Variants in NTN1 observed in about 807,000 individuals in gnomAD.
NTN1 encodes the protein netrin 1, also known as netrin-1.
Under a neutral mutation model 54.2 loss-of-function variants are expected in NTN1, and 11 were observed. The ratio of observed to expected loss-of-function variants is 0.20; its 90% CI spans 0.13 to 0.34. The LOEUF (loss-of-function observed/expected upper bound fraction) is 0.34. NTN1 is among the 10% of genes least tolerant of loss of function. The pLI is 1.00. For synonymous variants in NTN1, 371 were observed against 382.0 expected (o/e 0.97, Z 0.33); for missense variants, 740 against 893.1 (o/e 0.83, Z 2.18).
chr17:9,138,108 G>A (rs749484898), intron 2 of NTN1, among the ~76,000 whole-genome samples: 1 of 152,200 alleles, frequency 6.6e-6, no homozygotes, highest in African/African-American at 2.4e-5. Context: ...AAGAATCCCC[G>A]GCGTGTCTTT....
At chr17:9,200,592 C>G (rs1904754458) in intron 5 of NTN1, among the ~76,000 whole-genome samples, 1 of 152,220 alleles carries the variant, frequency 6.6e-6, no homozygotes, top group Non-Finnish European at 1.5e-5. Flanking sequence ...TCTTGTTCAG[C>G]CAGGCTTGAT....
At chr17:9,024,675 G>A (rs1028623120) in intron 2 of NTN1, among the ~76,000 whole-genome samples, 3 of 152,252 alleles carry the variant, frequency 2.0e-5, no homozygotes, top group Non-Finnish European at 4.4e-5. Flanking sequence ...GGGCCGGATC[G>A]CCGCAGAGGC....
intron 6 of NTN1, among the ~76,000 whole-genome samples, chr17:9,233,088 T>C (rs920362174): frequency 1.3e-5 from 2 of 151,922 alleles, no homozygotes; most frequent in Non-Finnish European, 2.9e-5. Flanking sequence ...GGGGAGAGGC[T>C]GACCACCTCA....
chr17:9,222,662 A>C (rs1905399469), intron 6 of NTN1, among the ~76,000 whole-genome samples: 1 of 152,106 alleles, frequency 6.6e-6, no homozygotes, highest in South Asian at 2.1e-4. Flanking sequence ...AGGCCTCACT[A>C]TCCAGAATCT....
At chr17:9,198,866 G>C (rs1227177332) in intron 5 of NTN1, among the ~76,000 whole-genome samples, 1 of 152,122 alleles carries the variant, frequency 6.6e-6, no homozygotes, top group African/African-American at 2.4e-5. Flanking sequence ...GACAGACAAA[G>C]GACTAACCGC....
intron 2 of NTN1, among the ~76,000 whole-genome samples, chr17:9,086,372 G>T (rs951863924): frequency 2.6e-5 from 4 of 152,236 alleles, no homozygotes; most frequent in African/African-American, 9.6e-5. Flanking sequence ...CAAACATTGA[G>T]ATCATTCGGT....
At chr17:9,209,332 G>T (rs1364698737) in intron 5 of NTN1, among the ~76,000 whole-genome samples, 2 of 152,208 alleles carry the variant, frequency 1.3e-5, no homozygotes, top group Non-Finnish European at 2.9e-5. Context: ...AGCTGCAAGG[G>T]AATCTTTGAA....
At chr17:9,157,018 T>TATCC (rs2092344836) in intron 2 of NTN1, among the ~76,000 whole-genome samples, 2 of 140,942 alleles carry the variant, frequency 1.4e-5, no homozygotes, top group Admixed American at 7.1e-5. Context: ...TCTCTCCATC[T>TATCC]ATCCATCCGT....
At chr17:9,106,443 A>G (rs1366260063) in intron 2 of NTN1, among the ~76,000 whole-genome samples, 2 of 151,264 alleles carry the variant, frequency 1.3e-5, no homozygotes, top group African/African-American at 4.9e-5. Flanking sequence ...ATCTGGCAAA[A>G]TGGCATTTCC....
At chr17:9,154,810 G>C (rs2092336761) in intron 2 of NTN1, among the ~76,000 whole-genome samples, 1 of 152,170 alleles carries the variant, frequency 6.6e-6, no homozygotes, top group African/African-American at 2.4e-5. Context: ...TTCTGAACCA[G>C]TCATTTAAGG....
rs3842382 is a variant in NTN1 at position 9,222,306 on chromosome 17, GC to G, written c.1486+1068del. 2.4e-4 allele frequency among the ~76,000 whole-genome samples: 37 copies of G among 152,312 alleles called. No individual in the cohort carries two copies. In the East Asian group the frequency reaches 6.9e-3, roughly 29 times the overall value. ...TCTTTAACTGACCCCAGGAGGTGCAGCCCCTATCCCCTCAGTGGCCCTGCCA... is the reference window on the plus strand; with the variant it reads ...TCTTTAACTGACCCCAGGAGGTGCAGCCCTATCCCCTCAGTGGCCCTGCCA... On this transcript the variant is annotated intron_variant, in intron 6 of 6. Coordinates refer to ENST00000173229, the MANE Select transcript of NTN1 (RefSeq NM_004822.3).
At chr17:9,223,870 A>G (rs1346739418) in intron 6 of NTN1, among the ~76,000 whole-genome samples, 5 of 152,194 alleles carry the variant, frequency 3.3e-5, no homozygotes, top group Admixed American at 2.0e-4. Flanking sequence ...CACAAGGCCT[A>G]GGGGTAACCT....
At chr17:9,057,811 TA>T (rs1361168980) in intron 2 of NTN1, among the ~76,000 whole-genome samples, 3 of 152,238 alleles carry the variant, frequency 2.0e-5, no homozygotes, top group African/African-American at 7.2e-5. Context: ...ACAGGTCCAA[TA>T]TTATAGACTT....
intron 2 of NTN1, among the ~76,000 whole-genome samples, chr17:9,053,605 C>T (rs1168578492): frequency 1.3e-5 from 2 of 152,238 alleles, no homozygotes; most frequent in African/African-American, 4.8e-5. Flanking sequence ...AGGATTCCGA[C>T]TGTTATCTTT....
At chr17:9,114,595 A>T (rs113808370) in intron 2 of NTN1, among the ~76,000 whole-genome samples, 14,616 of 152,052 alleles carry the variant, frequency 0.096, 810 homozygotes, top group Non-Finnish European at 0.13. Flanking sequence ...TCTACTAAAA[A>T]TACAAACATT....
intron 2 of NTN1, among the ~76,000 whole-genome samples, chr17:9,066,226 A>G (rs2092014553): frequency 6.6e-6 from 1 of 151,954 alleles, no homozygotes; most frequent in Non-Finnish European, 1.5e-5. Context: ...GTTTGAGTCC[A>G]GCCTGAGCAA....
chr17:9,064,976 G>A (rs538752518), intron 2 of NTN1, among the ~76,000 whole-genome samples: 11 of 151,970 alleles, frequency 7.2e-5, no homozygotes, highest in South Asian at 2.1e-4. Context: ...TCTCTCTGTC[G>A]CCCAGGCTGG....
intron 2 of NTN1, among the ~76,000 whole-genome samples, chr17:9,043,999 G>A (rs368187795): frequency 1.1e-4 from 17 of 152,028 alleles, no homozygotes; most frequent in African/African-American, 4.1e-4. Context: ...TCTTATTCCT[G>A]TTGAGCATTA....
At chr17:9,102,556 C>G (rs1334370128) in intron 2 of NTN1, among the ~76,000 whole-genome samples, 1 of 152,170 alleles carries the variant, frequency 6.6e-6, no homozygotes, top group South Asian at 2.1e-4. Context: ...ACAGCCAAAC[C>G]ATATCAGCGG....
Sources: allele counts gnomAD v4.1 joint callset (sites outside exome capture counted in the v4.1 genomes callset), GRCh38; gene constraint gnomAD v4.1.1; transcripts MANE v1.5; gene names NCBI Gene and HGNC (gene_info 2026-07-23, HGNC 2026-07-21).